DNAH7: variants seen among roughly 807,000 people sequenced by gnomAD.
DNAH7 encodes axonemal beta dynein heavy chain 7.
A neutral mutation model predicts 444.6 loss-of-function variants in DNAH7; 397 were observed. The ratio of observed to expected loss-of-function variants is 0.89; its 90% confidence interval spans 0.82 to 0.97. The LOEUF (loss-of-function observed/expected upper bound fraction) is 0.97, where lower values mean the gene tolerates loss of function less well. DNAH7 is among the 50% of genes least tolerant of loss of function. The pLI is 0.00. For synonymous variants in DNAH7, 1,636 were observed against 1,624.4 expected, an observed-to-expected ratio of 1.01 and a Z score of -0.17; for missense variants, 4,902 against 4,800.8, an observed-to-expected ratio of 1.02 and a Z score of -0.62.
rs1471300958 is a variant in DNAH7 at position 195,824,390 on chromosome 2, T to C, written c.9156A>G (p.Leu3052=). The C allele has an allele frequency of 5.0e-6, 8 of 1,613,130 alleles. No individual in the cohort carries two copies. The highest frequency in any genetic ancestry group is 1.6e-4 in the Middle Eastern group (1 of 6,080). Residue 3052 remains leucine (L), a synonymous_variant, in exon 49 of 65, where the codon CTA becomes CTG. Transcript: ENST00000312428. ...TCCCACCCTGCTTAAAGGTTTGTTTTAGTAGAAGAGGTTCCAAAATAGGAT... is the reference window on the plus strand; with the variant it reads ...TCCCACCCTGCTTAAAGGTTTGTTTCAGTAGAAGAGGTTCCAAAATAGGAT... ...ELDPILEPLL[L]KQTFKQGGST...
chr2:195,955,592 G>T (rs939367484), intron 19 of DNAH7, among the ~76,000 whole-genome samples: 14 of 151,920 alleles, frequency 9.2e-5, no homozygotes, highest in Non-Finnish European at 1.6e-4. Context: ...TAATGTTTTT[G>T]TTTGTTTCCA....
At position 195,857,990 on chromosome 2, in the gene DNAH7, C is replaced by T. The variant is rs73064305; in HGVS notation, c.8068-267G>A. 1.8e-3 allele frequency among the ~76,000 whole-genome samples: 271 copies of T among 152,246 alleles called. 2 individuals are homozygous for T. The highest frequency in any genetic ancestry group is 6.3e-3 in the African/African-American group (262 of 41,546). On this transcript the variant is annotated intron_variant, in intron 43 of 64. Coordinates refer to ENST00000312428, the MANE Select transcript of DNAH7 (RefSeq NM_018897.3). ...TCACATCTTAACTTTTAATACACCTCATGAAATCTAAGACATTGCTATTGT... is the reference window on the plus strand; with the variant it reads ...TCACATCTTAACTTTTAATACACCTTATGAAATCTAAGACATTGCTATTGT...
At chr2:195,932,139 A>T (rs1308145120) in intron 21 of DNAH7, among the ~76,000 whole-genome samples, 3 of 151,952 alleles carry the variant, frequency 2.0e-5, no homozygotes, top group Non-Finnish European at 4.4e-5. Context: ...GGTCCTTCAC[A>T]TCCCTTCTAA....
intron 19 of DNAH7, among the ~76,000 whole-genome samples, chr2:195,955,058 G>A (rs1690549125): frequency 6.6e-6 from 1 of 152,262 alleles, no homozygotes; most frequent in African/African-American, 2.4e-5. Flanking sequence ...TTTGGCTTTT[G>A]TTGCCATGGC....
chr2:195,948,171 A>C (rs6704761), intron 19 of DNAH7, among the ~76,000 whole-genome samples: 45,826 of 151,866 alleles, frequency 0.3, 9,760 homozygotes, highest in African/African-American at 0.6. Flanking sequence ...GCTTAAGTTC[A>C]TTGTAGATTC....
intron 63 of DNAH7, among the ~76,000 whole-genome samples, chr2:195,745,249 G>GT (rs1382827027): frequency 6.6e-6 from 1 of 152,156 alleles, no homozygotes; most frequent in Admixed American, 6.5e-5. Flanking sequence ...GGAAGAAAGG[G>GT]TATCAGTGAT....
At chr2:195,748,435 T>C (rs371463852) in intron 63 of DNAH7, among the ~76,000 whole-genome samples, 2 of 152,266 alleles carry the variant, frequency 1.3e-5, no homozygotes, top group Non-Finnish European at 2.9e-5. Context: ...GATTCAATGC[T>C]ATCCCCATCA....
At position 195,864,450 on chromosome 2, in the gene DNAH7, T is replaced by C. The variant is rs748601717; in HGVS notation, c.7205A>G (p.Gln2402Arg). The C allele has an allele frequency of 6.2e-7, 1 of 1,614,196 alleles. No homozygotes were observed. The highest frequency in any genetic ancestry group is 2.2e-5 in the East Asian group (1 of 44,876). Residue 2402 changes from glutamine to arginine, a missense_variant, in exon 41 of 65, where the codon CAA becomes CGA. Physicochemically the swap from Gln to Arg is conservative, Grantham distance 43 (BLOSUM62 1). Transcript: ENST00000312428. ...TTCCAGAAAAGACTCTTCTTTAATT[T>C]GAGTATCTGTAAACAGGAAGACACC... is the stretch of plus-strand genomic sequence containing the variant. Reference protein sequence around the residue: ...MQGVFLFTDTQIKEESFLEDV... With the variant: ...MQGVFLFTDTRIKEESFLEDV...
intron 19 of DNAH7, among the ~76,000 whole-genome samples, chr2:195,938,344 T>TCACACACACA (rs68056425): frequency 0.034 from 4,531 of 134,106 alleles, 154 homozygotes; most frequent in East Asian, 0.17. Flanking sequence ...AAATAGACAT[T>TCACACACACA]CACACACACA....
At chr2:196,005,304 A>AAAC (rs1170045869) in intron 10 of DNAH7, among the ~76,000 whole-genome samples, 230 of 145,972 alleles carry the variant, frequency 1.6e-3, no homozygotes, top group African/African-American at 5.7e-3. Flanking sequence ...ACAAACAAAC[A>AAAC]AAAATATATA....
chr2:196,047,630 AT>A (rs34679412), intron 4 of DNAH7, 131 bp from the exon 5 acceptor site: 7,147 of 510,430 alleles, frequency 0.014, no homozygotes, highest in Middle Eastern at 0.029. Flanking sequence ...CCTAAGTATA[AT>A]TTTTTTTTTT....
At chr2:195,967,399 A>C (rs1691554808) in intron 17 of DNAH7, among the ~76,000 whole-genome samples, 1 of 152,190 alleles carries the variant, frequency 6.6e-6, no homozygotes, top group Admixed American at 6.5e-5. Context: ...TACATACCAC[A>C]ATTAAACAGT....
chr2:196,001,870 A>G lies in DNAH7; in HGVS notation c.990-12T>C, dbSNP rs370426816. ...CTTCTGGAAACCACCTTGAAAGAACAAAAGACTTTTAAAAGTCAGTGCTTT... is the reference window on the plus strand; with the variant it reads ...CTTCTGGAAACCACCTTGAAAGAACGAAAGACTTTTAAAAGTCAGTGCTTT... On this transcript the variant is annotated splice_polypyrimidine_tract_variant and intron_variant, in intron 10 of 64. Transcript: ENST00000312428. 14 of 1,589,864 alleles carry G rather than the reference A, an allele frequency of 8.8e-6. No individual in the cohort carries two copies. Among genetic ancestry groups the G allele is most frequent in the South Asian group, 1.2e-5 (1 of 86,630 alleles).
chr2:195,923,649 AT>A lies in DNAH7; in HGVS notation c.3770del (p.Asn1257IlefsTer11), dbSNP rs34468832. The A allele has an allele frequency of 8.7e-6, 14 of 1,607,018 alleles. No homozygotes were observed. The highest frequency in any genetic ancestry group is 2.2e-5 in the East Asian group (1 of 44,638). On this transcript the variant is annotated frameshift_variant, in exon 23 of 65. Coordinates refer to ENST00000312428, the MANE Select transcript of DNAH7 (RefSeq NM_018897.3). LOFTEE classifies it high-confidence loss of function. ...ATTCAAAGTCAGAGTCATCGCTAAT[AT>A]TTTTTTTTACAAGTGATGAGAGGAC... is the stretch of plus-strand genomic sequence containing the variant. ...RDVLSSLVKK[N>X]ISDDSDFEWL...
chr2:195,786,957 T>C (rs1289418758), intron 58 of DNAH7, 53 bp downstream of exon 58: 1 of 1,502,956 alleles, frequency 6.7e-7, no homozygotes, highest in Non-Finnish European at 8.9e-7. Context: ...AACACACTTA[T>C]AACATGATAA....
intron 48 of DNAH7, among the ~76,000 whole-genome samples, chr2:195,833,548 CA>C (rs1698173015): frequency 6.6e-6 from 1 of 152,116 alleles, no homozygotes; most frequent in Non-Finnish European, 1.5e-5. Flanking sequence ...TGTAAATAGT[CA>C]AAATTTGATG....
In DNAH7 at chr2:195,864,866, A is replaced by C. The variant is rs2125096130; in HGVS notation, c.6789T>G (p.Asp2263Glu). Residue 2263 changes from aspartate (D) to glutamate (E), a missense_variant, in exon 41 of 65, where the codon GAT (aspartate) becomes GAG (glutamate). Asp to Glu is a conservative substitution (Grantham distance 45, BLOSUM62 2). Coordinates refer to ENST00000312428, the MANE Select transcript of DNAH7 (RefSeq NM_018897.3). The part of the protein sequence containing the change: ...DFDNDGMVEA[D>E]DLRSLMFCDF... ...CACAAAACATTAAGCTGCGTAAGTC[A>C]TCTGCTTCCACCATGCCATCATTAT... The C allele has an allele frequency of 6.2e-7, 1 of 1,614,106 alleles. No individual in the cohort carries two copies. The highest frequency in any genetic ancestry group is 2.2e-5 in the East Asian group (1 of 44,884).
chr2:195,927,523 A>AT lies in DNAH7; in HGVS notation c.3472-958dup, dbSNP rs879481643. Among the ~76,000 whole-genome samples, 1,159 of 151,770 alleles carry AT rather than the reference A, an allele frequency of 7.6e-3. 16 individuals are homozygous for AT. Among genetic ancestry groups the AT allele is most frequent in the Non-Finnish European group, 0.012 (810 of 67,932 alleles). ...GAGAAGCAAGTAAATAAATAAATAA[A>AT]TAAATTAATTAATTAATTAAAAAAA... On this transcript the variant is annotated intron_variant, in intron 21 of 64. Coordinates refer to ENST00000312428, the MANE Select transcript of DNAH7 (RefSeq NM_018897.3).
intron 21 of DNAH7, among the ~76,000 whole-genome samples, chr2:195,933,662 C>T (rs1688851655): frequency 6.7e-6 from 1 of 150,086 alleles, no homozygotes; most frequent in Non-Finnish European, 1.5e-5. Flanking sequence ...AAAAACCAAA[C>T]ACCGCATGTT....
Sources: allele counts gnomAD v4.1 joint callset (sites outside exome capture counted in the v4.1 genomes callset), GRCh38; gene constraint gnomAD v4.1.1; transcripts MANE v1.5; gene names NCBI Gene and HGNC (gene_info 2026-07-23, HGNC 2026-07-21).